Variants in PPP1R42 observed in about 807,000 individuals in gnomAD.
PPP1R42 encodes the protein leucine rich repeat containing 67.
PPP1R42 carries 34 observed loss-of-function variants against 31.0 expected under a neutral mutation model. The observed-to-expected ratio is 1.10, with a 90% confidence interval of 0.83 to 1.46. PPP1R42 has a LOEUF of 1.46. PPP1R42 is among the 40% of genes most tolerant of loss of function. The probability of loss-of-function intolerance (pLI) is 0.00; values close to 1 mark genes in which losing one functional copy is unlikely to be tolerated. For missense variants in PPP1R42, 268 were observed against 303.0 expected, an observed-to-expected ratio of 0.88 and a Z score of 0.86; for synonymous variants, 103 against 109.8, an observed-to-expected ratio of 0.94 and a Z score of 0.39.
intron 5 of PPP1R42, among the ~76,000 whole-genome samples, chr8:66,993,543 T>C (rs987348115): frequency 8.5e-5 from 13 of 152,232 alleles, no homozygotes; most frequent in African/African-American, 2.7e-4. Context: ...CTGATAAGTG[T>C]TTCTTTTCTC....
At chr8:67,020,015 A>G (rs1305458866) in intron 1 of PPP1R42, among the ~76,000 whole-genome samples, 1 of 152,190 alleles carries the variant, frequency 6.6e-6, no homozygotes, top group Non-Finnish European at 1.5e-5. Context: ...CATAGTACCC[A>G]TAGAGACCAT....
chr8:67,020,486 C>T lies in PPP1R42; in HGVS notation c.-84-2655G>A, dbSNP rs1228060580. ...AAAGTGCCGGGAGTACAGGCGTGAG[C>T]CACTGAGCCCGGCCAATCCAGGGTT... On this transcript the variant is annotated intron_variant, in intron 1 of 7. Transcript: ENST00000685739. Among the ~76,000 whole-genome samples, 3 of 152,284 alleles carry T rather than the reference C, an allele frequency of 2.0e-5. No homozygotes were observed. The South Asian group carries it at 6.2e-4, about 32-fold the overall frequency.
chr8:67,024,420 C>T (rs986776521), intron 1 of PPP1R42, among the ~76,000 whole-genome samples: 2 of 151,980 alleles, frequency 1.3e-5, no homozygotes, highest in African/African-American at 4.8e-5. Flanking sequence ...TCAAGCAATC[C>T]TCCCACCTCA....
intron 3 of PPP1R42, among the ~76,000 whole-genome samples, chr8:67,014,209 T>TTAA (rs1204119604): frequency 2.0e-5 from 3 of 152,164 alleles, no homozygotes; most frequent in Non-Finnish European, 4.4e-5. Context: ...TTACTTCTTG[T>TTAA]TAATAATAGT....
chr8:66,971,067 GA>G, intron 7 of PPP1R42: 1 of 1,534,052 alleles, frequency 6.5e-7, no homozygotes, highest in Non-Finnish European at 8.7e-7. Flanking sequence ...GTATTTCAGA[GA>G]AAAAGGCTAA....
intron 2 of PPP1R42, 83 bp from the exon 3 acceptor site, chr8:67,014,675 C>A (rs140301023): frequency 1.1e-6 from 1 of 917,614 alleles, no homozygotes; most frequent in Admixed American, 2.9e-5. Flanking sequence ...TTCAGTTGAT[C>A]ATTCTACAAA....
In PPP1R42 at chr8:66,988,117, G is replaced by A. The variant is rs139928551; in HGVS notation, c.670+283C>T. The A allele has an allele frequency of 1.4e-5, 15 of 1,037,200 alleles. No homozygotes were observed. The African/African-American group carries it at 2.5e-4, about 18-fold the overall frequency. The allele number at this position is 1,037,200 out of a possible 1,614,324, so 64.2% of individuals were successfully genotyped here. A position where few individuals can be genotyped will look rare whatever the true frequency, so the allele number is the denominator to read the frequency against. The stretch of plus-strand genomic sequence containing the variant: ...CTAACGAAAGTTTGGCAAAAGGTCA[G>A]CAAGTTCTACACATTTATGACTAAC... On this transcript the variant is annotated intron_variant, in intron 6 of 7. Coordinates refer to ENST00000685739, the MANE Select transcript of PPP1R42 (RefSeq NM_001364910.1).
At position 66,968,017 on chromosome 8, in the gene PPP1R42, T is replaced by G. The variant is rs182260742; in HGVS notation, c.803-3683A>C. Among the ~76,000 whole-genome samples, 19 of 152,322 alleles carry G rather than the reference T, an allele frequency of 1.2e-4. No homozygotes were observed. The East Asian group carries it at 3.7e-3, about 29-fold the overall frequency. On this transcript the variant is annotated intron_variant, in intron 7 of 7. Transcript: ENST00000685739. Reference sequence around the variant, plus strand: ...AAAGAGAGGAAACATCTGTCAGAAGTATTTACTGTGACAAACACAGAAAGA... The same window carrying G: ...AAAGAGAGGAAACATCTGTCAGAAGGATTTACTGTGACAAACACAGAAAGA...
chr8:66,998,021 G>A (rs1265930307), intron 5 of PPP1R42, among the ~76,000 whole-genome samples: 3 of 152,150 alleles, frequency 2.0e-5, no homozygotes, highest in Non-Finnish European at 4.4e-5. Context: ...CCATGCATGT[G>A]TAGGGGCAGG....
At chr8:66,988,153 G>A in intron 6 of PPP1R42, 12 of 1,103,256 alleles carry the variant, frequency 1.1e-5, no homozygotes, top group Non-Finnish European at 1.3e-5. Flanking sequence ...CATTTTTATT[G>A]GTAATAGCAA....
chr8:67,020,600 A>G (rs1040356955), intron 1 of PPP1R42, among the ~76,000 whole-genome samples: 3 of 152,250 alleles, frequency 2.0e-5, no homozygotes, highest in Admixed American at 1.3e-4. Flanking sequence ...CTTACAAAAT[A>G]AGGATAATAA....
At chr8:67,007,856 A>G (rs1411372121) in intron 5 of PPP1R42, among the ~76,000 whole-genome samples, 1 of 148,342 alleles carries the variant, frequency 6.7e-6, no homozygotes, top group Non-Finnish European at 1.5e-5. Flanking sequence ...AAAGTGCAAG[A>G]GTAGTGATGC....
chr8:66,964,391 A>T (rs1814325955), intron 7 of PPP1R42, 57 bp from the exon 8 acceptor site: 4 of 894,304 alleles, frequency 4.5e-6, no homozygotes, highest in Middle Eastern at 3.3e-4. Context: ...AAGTATCCCT[A>T]AAAGGTAGCA....
chr8:66,966,579 A>G (rs1384009349), intron 7 of PPP1R42, among the ~76,000 whole-genome samples: 2 of 151,794 alleles, frequency 1.3e-5, no homozygotes, highest in African/African-American at 4.8e-5. Flanking sequence ...AGATCAGGAG[A>G]TCAAGACCAT....
intron 7 of PPP1R42, chr8:66,968,396 G>T: frequency 2.5e-6 from 2 of 804,210 alleles, no homozygotes; most frequent in Non-Finnish European, 3.0e-6. Flanking sequence ...GGAGTGTGGG[G>T]CACATACCTT....
At chr8:67,027,096 T>G (rs965656941) in intron 1 of PPP1R42, 1 of 152,078 alleles carries the variant, frequency 6.6e-6, no homozygotes, top group African/African-American at 2.4e-5. Flanking sequence ...AGATGGGGTT[T>G]TGCTATGTTG....
intron 5 of PPP1R42, among the ~76,000 whole-genome samples, chr8:66,999,391 T>C (rs1001105571): frequency 6.6e-6 from 1 of 152,208 alleles, no homozygotes; most frequent in Non-Finnish European, 1.5e-5. Context: ...CAGCTAATTT[T>C]TTTATTTTTA....
intron 6 of PPP1R42, chr8:66,984,177 G>A (rs938848080): frequency 2.5e-5 from 39 of 1,587,584 alleles, no homozygotes; most frequent in Admixed American, 1.8e-4. Flanking sequence ...CAAGGTCCCA[G>A]TAATGTTCAG....
At chr8:67,018,417 C>T (rs1033540414) in intron 1 of PPP1R42, among the ~76,000 whole-genome samples, 1 of 151,954 alleles carries the variant, frequency 6.6e-6, no homozygotes, top group Non-Finnish European at 1.5e-5. Context: ...CGCGCCCGAC[C>T]TCTTTTTTCT....
Sources: gnomAD v4.1 joint callset for allele counts (sites outside exome capture counted in the v4.1 genomes callset) on GRCh38, gnomAD v4.1.1 for gene constraint, MANE v1.5 for transcripts, NCBI Gene and HGNC (gene_info 2026-07-23, HGNC 2026-07-21) for gene names.